The following HS3ST3B1 variants were observed in gnomAD, a reference collection of about 807,000 sequenced individuals.
HS3ST3B1 encodes heparan sulfate-glucosamine 3-sulfotransferase 3B1.
Under a neutral mutation model 21.3 loss-of-function variants are expected in HS3ST3B1, and 13 were observed. The observed-to-expected ratio is 0.61, with a 90% CI of 0.40 to 0.97. HS3ST3B1 has a LOEUF of 0.97. Among genes scored for constraint, HS3ST3B1 ranks in the 50% least tolerant of loss-of-function variants. The pLI is 0.00. For synonymous variants in HS3ST3B1, 234 were observed against 254.8 expected, an observed-to-expected ratio of 0.92 and a Z score of 0.78; for missense variants, 459 against 554.8, an observed-to-expected ratio of 0.83 and a Z score of 1.73.
intron 1 of HS3ST3B1, among the ~76,000 whole-genome samples, chr17:14,309,415 G>T (rs1294281485): frequency 6.6e-6 from 1 of 152,226 alleles, no homozygotes; most frequent in Non-Finnish European, 1.5e-5. Flanking sequence ...GTTGGGCTGA[G>T]CCTGGCTGAG....
intron 1 of HS3ST3B1, among the ~76,000 whole-genome samples, chr17:14,311,642 A>G (rs961829979): frequency 7.2e-5 from 11 of 152,200 alleles, no homozygotes; most frequent in Admixed American, 3.9e-4. Flanking sequence ...ACATTATAGT[A>G]TCATTCAGGG....
intron 1 of HS3ST3B1, among the ~76,000 whole-genome samples, chr17:14,333,819 C>T (rs886738349): frequency 1.3e-5 from 2 of 151,990 alleles, no homozygotes; most frequent in African/African-American, 2.4e-5. Context: ...GACAGAGTCT[C>T]GCAATGGTGT....
chr17:14,304,019 G>A (rs1013754593), intron 1 of HS3ST3B1: 7 of 152,252 alleles, frequency 4.6e-5, no homozygotes, highest in African/African-American at 1.7e-4. Context: ...CGTTCTTTTT[G>A]ATTGACTAAA....
intron 1 of HS3ST3B1, among the ~76,000 whole-genome samples, chr17:14,309,305 G>T (rs972622220): frequency 3.9e-5 from 6 of 152,238 alleles, no homozygotes; most frequent in Non-Finnish European, 7.3e-5. Context: ...CAGTGCGGGG[G>T]CAGGGCTGGC....
At chr17:14,330,660 TG>T (rs1238825525) in intron 1 of HS3ST3B1, among the ~76,000 whole-genome samples, 2 of 152,010 alleles carry the variant, frequency 1.3e-5, no homozygotes, top group East Asian at 3.9e-4. Flanking sequence ...GCAAGCTCTC[TG>T]GGTGAAGGCC....
chr17:14,332,858 G>A (rs1383710847), intron 1 of HS3ST3B1, among the ~76,000 whole-genome samples: 1 of 102,328 alleles, frequency 9.8e-6, no homozygotes, highest in Non-Finnish European at 1.9e-5. Context: ...TTTTTTTAAT[G>A]TCGTAGGTTA....
At chr17:14,320,107 A>C (rs1464542676) in intron 1 of HS3ST3B1, among the ~76,000 whole-genome samples, 1 of 152,176 alleles carries the variant, frequency 6.6e-6, no homozygotes, top group Non-Finnish European at 1.5e-5. Context: ...CCTGTCCTAC[A>C]TTTTAGAAAA....
chr17:14,316,956 C>G (rs1364121919), intron 1 of HS3ST3B1, among the ~76,000 whole-genome samples: 1 of 152,254 alleles, frequency 6.6e-6, no homozygotes, highest in Non-Finnish European at 1.5e-5. Context: ...TCTCCTGATA[C>G]ACTTACCGTA....
In HS3ST3B1 at chr17:14,306,985, T is replaced by C. The variant is rs1909157856; in HGVS notation, c.554+4913T>C. Reference sequence around the variant, plus strand: ...GACCATAAAATGGTTGATTAATCTTTTACAAGTTGAAGGGAAAATATAACA... The same window carrying C: ...GACCATAAAATGGTTGATTAATCTTCTACAAGTTGAAGGGAAAATATAACA... On this transcript the variant is annotated intron_variant, in intron 1 of 1. Coordinates refer to ENST00000360954, the MANE Select transcript of HS3ST3B1 (RefSeq NM_006041.3). Among the ~76,000 whole-genome samples, 8 of 152,332 alleles carry C rather than the reference T, an allele frequency of 5.3e-5. No individual in the cohort carries two copies. In the South Asian group the frequency reaches 1.4e-3, roughly 28 times the overall value.
chr17:14,342,187 G>A (rs1394027851), intron 1 of HS3ST3B1, among the ~76,000 whole-genome samples: 1 of 152,182 alleles, frequency 6.6e-6, no homozygotes, highest in African/African-American at 2.4e-5. Context: ...AAGATGGCTT[G>A]AAGCTTAGAA....
intron 1 of HS3ST3B1, chr17:14,328,051 T>TG (rs1909870348): frequency 6.6e-6 from 1 of 152,320 alleles, no homozygotes; most frequent in East Asian, 1.9e-4. Flanking sequence ...GTGTTTACTG[T>TG]GTCGTTCCTT....
chr17:14,323,195 C>T lies in HS3ST3B1; in HGVS notation c.554+21123C>T, dbSNP rs1202856172. Reference sequence around the variant, plus strand: ...TGTTGGGATTACAGGCGTGAGCCACCGCACCTGGCCGTGTATATGTCTTAT... The same window carrying T: ...TGTTGGGATTACAGGCGTGAGCCACTGCACCTGGCCGTGTATATGTCTTAT... On this transcript the variant is annotated intron_variant, in intron 1 of 1. Coordinates refer to ENST00000360954, the MANE Select transcript of HS3ST3B1 (RefSeq NM_006041.3). Among the ~76,000 whole-genome samples the T allele has an allele frequency of 5.3e-5, 8 of 152,158 alleles. No individual in the cohort carries two copies. In the East Asian group the frequency reaches 7.7e-4, roughly 15 times the overall value.
At chr17:14,341,349 T>C (rs766686118) in intron 1 of HS3ST3B1, among the ~76,000 whole-genome samples, 1 of 152,132 alleles carries the variant, frequency 6.6e-6, no homozygotes, top group Non-Finnish European at 1.5e-5. Context: ...TGCCCCCCTG[T>C]GGGGTAGAAC....
intron 1 of HS3ST3B1, chr17:14,329,504 G>A (rs1400477704): frequency 6.8e-6 from 1 of 146,740 alleles, no homozygotes; most frequent in Non-Finnish European, 1.5e-5. Flanking sequence ...AAGAAGGAAA[G>A]AGAGAAGGAG....
intron 1 of HS3ST3B1, chr17:14,327,614 C>T (rs751667497): frequency 2.0e-5 from 3 of 152,146 alleles, no homozygotes; most frequent in Non-Finnish European, 2.9e-5. Context: ...GGACCATCAC[C>T]CTTTTGAATC....
intron 1 of HS3ST3B1, among the ~76,000 whole-genome samples, chr17:14,312,336 A>G (rs899948673): frequency 6.6e-6 from 1 of 152,190 alleles, no homozygotes; most frequent in Non-Finnish European, 1.5e-5. Flanking sequence ...TTCAAACTCC[A>G]TAACTTGGAG....
In HS3ST3B1 at chr17:14,317,051, T is replaced by C. The variant is rs146947666; in HGVS notation, c.554+14979T>C. ...GAGCCCTTGCTCAGGAGGAGGCGTT[T>C]GGCAAGGACATTTCACATGGTTTGT... On this transcript the variant is annotated intron_variant, in intron 1 of 1. Coordinates refer to ENST00000360954, the MANE Select transcript of HS3ST3B1 (RefSeq NM_006041.3). Among the ~76,000 whole-genome samples, 88 of 152,364 alleles carry C rather than the reference T, an allele frequency of 5.8e-4. No individual in the cohort carries two copies. The East Asian group carries it at 0.017, about 29-fold the overall frequency.
At chr17:14,340,761 T>A (rs1910351952) in intron 1 of HS3ST3B1, among the ~76,000 whole-genome samples, 1 of 152,092 alleles carries the variant, frequency 6.6e-6, no homozygotes, top group Non-Finnish European at 1.5e-5. Flanking sequence ...TTTTGTATTT[T>A]TAGGAGAGAC....
intron 1 of HS3ST3B1, among the ~76,000 whole-genome samples, chr17:14,314,681 T>C (rs1019031094): frequency 2.0e-5 from 3 of 152,214 alleles, no homozygotes; most frequent in Non-Finnish European, 4.4e-5. Context: ...GTCTTTCTTA[T>C]GGCAACAAAT....
Sources: gnomAD v4.1 joint callset for allele counts (sites outside exome capture counted in the v4.1 genomes callset) on GRCh38, gnomAD v4.1.1 for gene constraint, MANE v1.5 for transcripts, NCBI Gene and HGNC (gene_info 2026-07-23, HGNC 2026-07-21) for gene names.